Variants in COL4A6 observed in about 807,000 individuals in gnomAD.
The protein encoded by COL4A6 is collagen type IV alpha 6 chain.
Under a neutral mutation model 126.7 loss-of-function variants are expected in COL4A6, and 59 were observed. The ratio of observed to expected loss-of-function variants is 0.47; its 90% CI spans 0.38 to 0.58. The LOEUF is 0.58. COL4A6 is among the 20% of genes least tolerant of loss of function. The pLI is 0.00. For missense variants in COL4A6, 1,285 were observed against 1,337.3 expected (o/e 0.96, Z 0.61); for synonymous variants, 547 against 496.6 (o/e 1.10, Z -1.35).
At chrX:108,339,608 T>A (rs2039511817) in intron 2 of COL4A6, among the ~76,000 whole-genome samples, 1 of 111,583 alleles carries the variant, frequency 9.0e-6, no homozygotes, top group African/African-American at 3.3e-5. Flanking sequence ...ATAGGTCTTG[T>A]GGATGATGGC....
chrX:108,309,376 G>T (rs1265698630), intron 3 of COL4A6, among the ~76,000 whole-genome samples: 1 of 110,927 alleles, frequency 9.0e-6, no homozygotes, highest in Non-Finnish European at 1.9e-5. Flanking sequence ...TCATCACTTT[G>T]CTATGTGATC....
intron 23 of COL4A6, among the ~76,000 whole-genome samples, chrX:108,186,409 T>A (rs1224983243): frequency 1.8e-5 from 2 of 111,838 alleles, no homozygotes; most frequent in African/African-American, 6.5e-5. Flanking sequence ...AATCTCAAAA[T>A]TTTAAACTTC....
chrX:108,379,609 C>A, intron 2 of COL4A6, among the ~76,000 whole-genome samples: 1 of 108,036 alleles, frequency 9.3e-6, no homozygotes, highest in Non-Finnish European at 1.9e-5. Flanking sequence ...GTGTACTATC[C>A]ACTTCCTGCT....
intron 2 of COL4A6, among the ~76,000 whole-genome samples, chrX:108,404,808 C>G (rs1043291904): frequency 8.9e-6 from 1 of 112,133 alleles, no homozygotes; most frequent in Non-Finnish European, 1.9e-5. Flanking sequence ...TGAAATAGAA[C>G]TGAACACCAG....
chrX:108,184,291 TTAAAG>T (rs2034783210), intron 23 of COL4A6, among the ~76,000 whole-genome samples: 2 of 112,633 alleles, frequency 1.8e-5, no homozygotes, highest in African/African-American at 3.2e-5. Context: ...ATGCTCTTTA[TTAAAG>T]TAATTTCTTG....
chrX:108,248,389 A>G (rs1275933640), intron 3 of COL4A6, among the ~76,000 whole-genome samples: 1 of 110,830 alleles, frequency 9.0e-6, no homozygotes, highest in Non-Finnish European at 1.9e-5. Context: ...TTTCATGTGA[A>G]CTTCCACATA....
intron 2 of COL4A6, among the ~76,000 whole-genome samples, chrX:108,324,684 C>T (rs895432778): frequency 1.8e-5 from 2 of 112,078 alleles, no homozygotes; most frequent in Middle Eastern, 4.2e-3. Context: ...ATTCAAACAA[C>T]AAATTCTGTT....
chrX:108,367,252 T>C (rs1054088523), intron 2 of COL4A6, among the ~76,000 whole-genome samples: 1 of 111,847 alleles, frequency 8.9e-6, no homozygotes, highest in Non-Finnish European at 1.9e-5. Context: ...TATCTGATAA[T>C]GAGATGATGA....
chrX:108,274,289 G>T (rs1403718614), intron 3 of COL4A6, among the ~76,000 whole-genome samples: 1 of 111,419 alleles, frequency 9.0e-6, no homozygotes. Flanking sequence ...CTTTATTGTG[G>T]TTTCCATGGG....
intron 2 of COL4A6, among the ~76,000 whole-genome samples, chrX:108,369,419 T>C (rs750389032): frequency 4.3e-4 from 48 of 111,685 alleles, no homozygotes; most frequent in Non-Finnish European, 8.1e-4. Context: ...TGGCTTTGCT[T>C]TCCAAAGTGA....
chrX:108,173,512 A>G (rs2148093331), intron 31 of COL4A6, among the ~76,000 whole-genome samples: 1 of 108,812 alleles, frequency 9.2e-6, no homozygotes, highest in South Asian at 4.1e-4. Flanking sequence ...GCACACACCA[A>G]GTTCTCTCCA....
chrX:108,364,540 T>C (rs1025357691), intron 2 of COL4A6, among the ~76,000 whole-genome samples: 5 of 111,195 alleles, frequency 4.5e-5, no homozygotes, highest in Admixed American at 9.6e-5. Flanking sequence ...ACACGAACAA[T>C]GTGCATTGTA....
intron 2 of COL4A6, 101 bp from the exon 3 acceptor site, chrX:108,310,929 G>A (rs776009545): frequency 4.6e-5 from 28 of 614,427 alleles, no homozygotes; most frequent in Non-Finnish European, 6.5e-5. Flanking sequence ...AATCTATTGC[G>A]GCTTAATGAT....
intron 2 of COL4A6, among the ~76,000 whole-genome samples, chrX:108,375,598 C>G (rs938035171): frequency 2.7e-5 from 3 of 110,511 alleles, no homozygotes; most frequent in African/African-American, 9.9e-5. Context: ...TACCTGATTT[C>G]TAACATTTGC....
chrX:108,384,290 G>C (rs769474546), intron 2 of COL4A6, among the ~76,000 whole-genome samples: 1 of 111,444 alleles, frequency 9.0e-6, no homozygotes, highest in Non-Finnish European at 1.9e-5. Flanking sequence ...CATCTTTCCA[G>C]CTATTCATCT....
intron 2 of COL4A6, among the ~76,000 whole-genome samples, chrX:108,393,218 GA>G (rs1342418450): frequency 9.0e-6 from 1 of 111,569 alleles, no homozygotes; most frequent in Non-Finnish European, 1.9e-5. Flanking sequence ...GCCAAAAAGT[GA>G]AAAAAGAATC....
rs1490599173 is a variant in COL4A6, at chrX:108,156,828, T to C, written c.*172A>G. The C allele has an allele frequency of 3.2e-5, 16 of 504,373 alleles. No individual in the cohort carries two copies. The highest frequency in any genetic ancestry group is 7.1e-5 in the African/African-American group (3 of 42,102). 41.6% of individuals were successfully genotyped at this position (504,373 alleles called of 1,213,427 possible). ...TCTCAGCAGGGTGGGCTCATCTCTA[T>C]GGACCCGAGGGCTGGGGTGACGAGT... On this transcript the variant is annotated 3_prime_UTR_variant, in exon 45 of 45. Coordinates refer to ENST00000334504, the MANE Select transcript of COL4A6 (RefSeq NM_033641.4).
intron 2 of COL4A6, among the ~76,000 whole-genome samples, chrX:108,428,814 G>GA (rs201374949): frequency 7.2e-5 from 8 of 110,758 alleles, no homozygotes; most frequent in South Asian, 3.8e-4. Context: ...TATCTGAAAT[G>GA]AAAAAAAACA....
At chrX:108,200,211 CAAAGT>C (rs1159747700) in intron 13 of COL4A6, among the ~76,000 whole-genome samples, 2 of 112,408 alleles carry the variant, frequency 1.8e-5, no homozygotes, top group Non-Finnish European at 3.8e-5. Flanking sequence ...ATTAAAAAAG[CAAAGT>C]AAACAGAGAT....
Sources: allele counts gnomAD v4.1 joint callset (sites outside exome capture counted in the v4.1 genomes callset), GRCh38; gene constraint gnomAD v4.1.1; transcripts MANE v1.5; gene names NCBI Gene and HGNC (gene_info 2026-07-23, HGNC 2026-07-21).